TMEM175: variants seen among roughly 807,000 people sequenced by gnomAD.
The protein encoded by TMEM175 is endosomal/lysosomal proton channel TMEM175.
Under a neutral mutation model 36.5 loss-of-function variants are expected in TMEM175, and 36 were observed. That is an observed-to-expected ratio of 0.99 (90% CI 0.76 to 1.30). TMEM175 has a LOEUF of 1.30. Ranked by LOEUF, TMEM175 falls within the 50% of genes most tolerant of loss-of-function variation. The probability of loss-of-function intolerance (pLI) is 0.00; values close to 1 mark genes in which losing one functional copy is unlikely to be tolerated. For synonymous variants in TMEM175, 339 were observed against 313.4 expected (o/e 1.08, Z -0.86); for missense variants, 705 against 692.8 (o/e 1.02, Z -0.20).
At chr4:946,889 C>T (rs746452181) in intron 1 of TMEM175, among the ~76,000 whole-genome samples, 7 of 145,938 alleles carry the variant, frequency 4.8e-5, no homozygotes, top group Non-Finnish European at 9.0e-5. Flanking sequence ...AGGGAGAGCG[C>T]GGCCCCGTAG....
chr4:955,021 C>T (rs1168028624), intron 8 of TMEM175, among the ~76,000 whole-genome samples: 1 of 152,124 alleles, frequency 6.6e-6, no homozygotes, highest in African/African-American at 2.4e-5. Flanking sequence ...TGCTCTGTCA[C>T]CCAGGCTGGA....
intron 3 of TMEM175, 154 bp downstream of exon 3, chr4:948,308 G>A (rs1728446000): frequency 6.4e-7 from 1 of 1,552,452 alleles, no homozygotes; most frequent in Non-Finnish European, 8.7e-7. Flanking sequence ...TGGAAAGGGA[G>A]GGAGCCAACA....
intron 1 of TMEM175, among the ~76,000 whole-genome samples, chr4:933,242 T>C (rs1366965997): frequency 4.6e-5 from 7 of 152,084 alleles, no homozygotes; most frequent in African/African-American, 7.2e-5. Context: ...CGCGGTGGCT[T>C]ACACCTGTAA....
At chr4:935,641 C>A (rs769561513) in intron 1 of TMEM175, among the ~76,000 whole-genome samples, 9 of 152,212 alleles carry the variant, frequency 5.9e-5, no homozygotes, top group Non-Finnish European at 8.8e-5. Context: ...ATATAGGCGA[C>A]TTGAACATGA....
At position 932,582 on chromosome 4, in the gene TMEM175, C is replaced by T. The variant is rs537840540; in HGVS notation, c.-32+42C>T. On this transcript the variant is annotated intron_variant, in intron 1 of 10. Coordinates refer to ENST00000264771, the MANE Select transcript of TMEM175 (RefSeq NM_032326.4). The surrounding 1 kb of genome is among the most constrained non-coding windows in gnomAD (Gnocchi z 4.0). Reference sequence around the variant, plus strand: ...GTCCAGCTCCCGGTACCGTTCCCCACATGGTCTGTTTTGTGGGAGGCTCCT... The same window carrying T: ...GTCCAGCTCCCGGTACCGTTCCCCATATGGTCTGTTTTGTGGGAGGCTCCT... The T allele has an allele frequency of 2.5e-6, 1 of 406,228 alleles. No homozygotes were observed. Among genetic ancestry groups the T allele is most frequent in the East Asian group, 3.7e-5 (1 of 26,976 alleles). The allele number at this position is 406,228 out of a possible 1,614,324, so 25.2% of individuals were successfully genotyped here. A position where few individuals can be genotyped will look rare whatever the true frequency, so the allele number is the denominator to read the frequency against.
intron 7 of TMEM175, among the ~76,000 whole-genome samples, chr4:952,682 C>T (rs1314275907): frequency 7.4e-6 from 1 of 134,550 alleles, no homozygotes; most frequent in African/African-American, 2.9e-5. Context: ...CTCTTGGGGC[C>T]CGGGGTCCTG....
intron 10 of TMEM175, among the ~76,000 whole-genome samples, chr4:957,514 G>A (rs1729846995): frequency 6.6e-6 from 1 of 152,240 alleles, no homozygotes; most frequent in African/African-American, 2.4e-5. Flanking sequence ...GCAAACACAG[G>A]AGAGCCTCGG....
intron 8 of TMEM175, among the ~76,000 whole-genome samples, chr4:953,869 G>A (rs771994517): frequency 1.3e-5 from 2 of 152,112 alleles, no homozygotes; most frequent in African/African-American, 4.8e-5. Context: ...TATTTTTTGT[G>A]GAGACAGAGT....
rs549758986 is a variant in TMEM175 at position 953,838 on chromosome 4, A to G, written c.627+484A>G. 6.8e-4 allele frequency among the ~76,000 whole-genome samples: 103 copies of G among 152,176 alleles called. No homozygotes were observed. In the Middle Eastern group the frequency reaches 0.01, roughly 15 times the overall value. On this transcript the variant is annotated intron_variant, in intron 8 of 10. Transcript: ENST00000264771. ...GTAGCTGGGACTACAGGTGTGCACCACCACACCTGGGTAGTTTTGGTATTT... is the reference window on the plus strand; with the variant it reads ...GTAGCTGGGACTACAGGTGTGCACCGCCACACCTGGGTAGTTTTGGTATTT...
chr4:938,021 G>A (rs1258950924), intron 1 of TMEM175, among the ~76,000 whole-genome samples: 2 of 151,722 alleles, frequency 1.3e-5, no homozygotes, highest in Non-Finnish European at 2.9e-5. Flanking sequence ...CAGCAAACTA[G>A]GAATAAAATG....
intron 1 of TMEM175, among the ~76,000 whole-genome samples, chr4:945,620 C>T (rs1412810487): frequency 1.3e-5 from 2 of 152,178 alleles, no homozygotes; most frequent in Non-Finnish European, 2.9e-5. Context: ...TTGTGCGTCT[C>T]GCCTTGGTGT....
intron 1 of TMEM175, among the ~76,000 whole-genome samples, chr4:941,707 A>G (rs1262757841): frequency 6.6e-6 from 1 of 151,994 alleles, no homozygotes; most frequent in East Asian, 2.0e-4. Flanking sequence ...AAGTACTGGG[A>G]TTACAGGAGT....
intron 1 of TMEM175, among the ~76,000 whole-genome samples, chr4:938,953 A>G (rs1434926755): frequency 6.6e-6 from 1 of 152,238 alleles, no homozygotes; most frequent in East Asian, 1.9e-4. Context: ...GGACAAGACA[A>G]AATTGTGTGA....
chr4:950,353 C>A, intron 3 of TMEM175, 68 bp from the exon 4 acceptor site: 1 of 1,298,260 alleles, frequency 7.7e-7, no homozygotes, highest in Non-Finnish European at 1.1e-6. Context: ...CCTCACGGTG[C>A]TGTCTCGACT....
At chr4:937,260 C>T (rs1179328046) in intron 1 of TMEM175, among the ~76,000 whole-genome samples, 1 of 152,042 alleles carries the variant, frequency 6.6e-6, no homozygotes, top group African/African-American at 2.4e-5. Flanking sequence ...ACAAATCTTC[C>T]CTTAAAGAAG....
intron 1 of TMEM175, among the ~76,000 whole-genome samples, chr4:943,804 G>A (rs1272906721): frequency 1.3e-5 from 2 of 152,168 alleles, no homozygotes; most frequent in Non-Finnish European, 2.9e-5. Context: ...ATTCATAATT[G>A]TGCAAAATGA....
Position 939,655 on chromosome 4 carries a change from G to T in TMEM175, c.-32+7115G>T, listed in dbSNP as rs112265112. ...TGCTTAAACCCAGGAGGTGGAGGTTGCAGTAAGCTGAGATCATGCCACTGC... is the reference window on the plus strand; with the variant it reads ...TGCTTAAACCCAGGAGGTGGAGGTTTCAGTAAGCTGAGATCATGCCACTGC... On this transcript the variant is annotated intron_variant, in intron 1 of 10. Coordinates refer to ENST00000264771, the MANE Select transcript of TMEM175 (RefSeq NM_032326.4). Among the ~76,000 whole-genome samples, 778 of 152,304 alleles carry T rather than the reference G, an allele frequency of 5.1e-3. 11 individuals are homozygous for T. Among genetic ancestry groups the T allele is most frequent in the African/African-American group, 0.018 (728 of 41,580 alleles).
intron 10 of TMEM175, chr4:956,606 C>T: frequency 1.7e-6 from 1 of 602,990 alleles, no homozygotes; most frequent in Non-Finnish European, 2.5e-6. Context: ...CCATGCCCAG[C>T]TAACTTTTTG....
Position 957,804 on chromosome 4 carries a change from C to T in TMEM175, c.843-20C>T, listed in dbSNP as rs763151313. On this transcript the variant is annotated intron_variant, in intron 10 of 10. Transcript: ENST00000264771. ...GGCCACGGCAAGGCCGGCACAAATG[C>T]ATCTATTCACTGTTCTCAGCGAAGA... 1.9e-6 allele frequency: 3 copies of T among 1,581,526 alleles called. No homozygotes were observed. The South Asian group carries it at 3.5e-5, about 18-fold the overall frequency.
Sources: gnomAD v4.1 joint callset for allele counts (sites outside exome capture counted in the v4.1 genomes callset) on GRCh38, gnomAD v4.1.1 for gene constraint, Gnocchi (gnomAD v3.1) non-coding constraint, MANE v1.5 for transcripts, NCBI Gene and HGNC (gene_info 2026-07-23, HGNC 2026-07-21) for gene names.